Variants in DENND1B observed in about 807,000 individuals in gnomAD.
The protein encoded by DENND1B is DENN domain containing 1B, also known as DENN domain-containing protein 1B.
A neutral mutation model predicts 90.1 loss-of-function variants in DENND1B; 59 were observed. That is an observed-to-expected ratio of 0.65 (90% CI 0.53 to 0.81). DENND1B has a LOEUF of 0.81. Among genes scored for constraint, DENND1B ranks in the 40% least tolerant of loss-of-function variants. DENND1B has a pLI of 0.00. For synonymous variants in DENND1B, 337 were observed against 324.6 expected, an observed-to-expected ratio of 1.04 and a Z score of -0.41; for missense variants, 862 against 912.6, an observed-to-expected ratio of 0.94 and a Z score of 0.71.
intron 13 of DENND1B, among the ~76,000 whole-genome samples, chr1:197,604,615 G>A (rs1037230922): frequency 1.3e-5 from 2 of 151,228 alleles, no homozygotes; most frequent in African/African-American, 2.4e-5. Context: ...TAATTTAAAT[G>A]CTTTGGTGAA....
At chr1:197,541,924 T>C (rs1670363558) in intron 18 of DENND1B, among the ~76,000 whole-genome samples, 1 of 152,214 alleles carries the variant, frequency 6.6e-6, no homozygotes, top group Non-Finnish European at 1.5e-5. Context: ...CTCTTTAGTA[T>C]ACAGAGTTGA....
chr1:197,590,198 G>A (rs1008282932), intron 14 of DENND1B, among the ~76,000 whole-genome samples: 1 of 151,996 alleles, frequency 6.6e-6, no homozygotes, highest in Non-Finnish European at 1.5e-5. Flanking sequence ...TAATGACGAC[G>A]TAAACAGCAT....
chr1:197,687,387 AT>A (rs1657358733), intron 3 of DENND1B, among the ~76,000 whole-genome samples: 2 of 152,134 alleles, frequency 1.3e-5, no homozygotes, highest in South Asian at 2.1e-4. Context: ...TATTTTTTCC[AT>A]TTGCAACAAC....
At chr1:197,760,571 G>C (rs1392051833) in intron 2 of DENND1B, among the ~76,000 whole-genome samples, 1 of 151,542 alleles carries the variant, frequency 6.6e-6, no homozygotes, top group East Asian at 1.9e-4. Context: ...GGGCCCAAGA[G>C]GTGGAAGTTG....
At chr1:197,526,922 T>G (rs1669175206) in intron 20 of DENND1B, among the ~76,000 whole-genome samples, 1 of 152,142 alleles carries the variant, frequency 6.6e-6, no homozygotes, top group Admixed American at 6.6e-5. Context: ...ATTTTTTGTG[T>G]AACTATCTTC....
chr1:197,529,231 T>C lies in DENND1B; in HGVS notation c.1515+10733A>G, dbSNP rs1471738295. ...ATATATATATATATATATATATATA[T>C]ATATATATATATGTGTGTGTGTGTG... On this transcript the variant is annotated intron_variant, in intron 20 of 22. Transcript: ENST00000620048. Among the ~76,000 whole-genome samples the C allele has an allele frequency of 8.8e-4, 12 of 13,662 alleles. No individual in the cohort carries two copies. The East Asian group carries it at 0.013, about 14-fold the overall frequency. 9.0% of individuals were successfully genotyped at this position (13,662 alleles called of 152,430 possible).
At chr1:197,772,969 A>T in intron 1 of DENND1B, 37 bp from the exon 2 acceptor site, 1 of 1,464,732 alleles carries the variant, frequency 6.8e-7, no homozygotes, top group Non-Finnish European at 9.3e-7. Context: ...TCCTATGACA[A>T]ATAAACATCT....
chr1:197,748,093 A>G (rs1475684493), intron 2 of DENND1B, among the ~76,000 whole-genome samples: 1 of 152,178 alleles, frequency 6.6e-6, no homozygotes, highest in Non-Finnish European at 1.5e-5. Context: ...AAGATTAAAA[A>G]CAAACATTGA....
At chr1:197,649,777 C>T (rs1173189199) in intron 7 of DENND1B, among the ~76,000 whole-genome samples, 1 of 152,078 alleles carries the variant, frequency 6.6e-6, no homozygotes, top group Non-Finnish European at 1.5e-5. Flanking sequence ...TAGAATAAAA[C>T]ACTGGAAAAA....
Position 197,510,788 on chromosome 1 carries a change from T to A in DENND1B, c.2000A>T (p.Asn667Ile). The A allele has an allele frequency of 6.2e-7, 1 of 1,612,358 alleles. No homozygotes were observed. Among genetic ancestry groups the A allele is most frequent in the Non-Finnish European group, 8.5e-7 (1 of 1,179,056 alleles). ...GTCAGCACCGAGGTGCTTGTTACTG[T>A]TTTCCTCTTTCAGGATAAACAGAGA... ...TDSLFILKEE[N>I]SNKHLGADNV... is the part of the protein sequence containing the mutation. Residue 667 changes from asparagine (N) to isoleucine (I), a missense_variant, in exon 23 of 23, where the codon AAC becomes ATC. Asn to Ile is a moderately radical substitution (Grantham distance 149). Coordinates refer to ENST00000620048, the MANE Select transcript of DENND1B (RefSeq NM_001195215.2).
chr1:197,575,843 A>G (rs1159434044), intron 15 of DENND1B, among the ~76,000 whole-genome samples: 1 of 152,160 alleles, frequency 6.6e-6, no homozygotes, highest in Non-Finnish European at 1.5e-5. Context: ...CAGAAAACCA[A>G]ACATTGCATG....
At chr1:197,745,446 A>C (rs972241931) in intron 2 of DENND1B, among the ~76,000 whole-genome samples, 1 of 151,984 alleles carries the variant, frequency 6.6e-6, no homozygotes, top group African/African-American at 2.4e-5. Context: ...GAGCCCCAGG[A>C]GAGGGAGAGA....
Position 197,545,921 on chromosome 1 carries a change from C to G in DENND1B, c.1350+1G>C. ...GATTGTTAAATATCAAAAAAACTTA[C>G]AAATTTATATGCTGTCCGTACAGCA... On this transcript the variant is annotated splice_donor_variant, in intron 18 of 22. Transcript: ENST00000620048. LOFTEE classifies it high-confidence loss of function. The G allele has an allele frequency of 3.1e-6, 5 of 1,599,646 alleles. No individual in the cohort carries two copies. The highest frequency in any genetic ancestry group is 3.4e-6 in the Non-Finnish European group (4 of 1,176,256).
At chr1:197,552,070 T>C (rs2125683090) in intron 16 of DENND1B, among the ~76,000 whole-genome samples, 1 of 152,264 alleles carries the variant, frequency 6.6e-6, no homozygotes, top group African/African-American at 2.4e-5. Flanking sequence ...ATCTTAAAAA[T>C]AACGTTAAAT....
intron 5 of DENND1B, among the ~76,000 whole-genome samples, chr1:197,664,552 A>G (rs1030040111): frequency 6.6e-6 from 1 of 152,102 alleles, no homozygotes; most frequent in Non-Finnish European, 1.5e-5. Flanking sequence ...CCACACTTCT[A>G]CTTCCACTAT....
intron 8 of DENND1B, among the ~76,000 whole-genome samples, chr1:197,646,806 T>G (rs1406724424): frequency 6.6e-6 from 1 of 152,054 alleles, no homozygotes; most frequent in Non-Finnish European, 1.5e-5. Context: ...ATGGAGAATA[T>G]GCAAAGATTT....
At chr1:197,581,446 T>C (rs1386274117) in intron 15 of DENND1B, among the ~76,000 whole-genome samples, 1 of 152,162 alleles carries the variant, frequency 6.6e-6, no homozygotes, top group Non-Finnish European at 1.5e-5. Context: ...GTTAATGTAA[T>C]TTCTCTAAGA....
intron 10 of DENND1B, among the ~76,000 whole-genome samples, chr1:197,639,436 A>G (rs1223674350): frequency 6.6e-6 from 1 of 152,132 alleles, no homozygotes; most frequent in Non-Finnish European, 1.5e-5. Flanking sequence ...CTCTAATGAG[A>G]GTGTCACCAC....
intron 20 of DENND1B, among the ~76,000 whole-genome samples, chr1:197,524,172 G>T (rs1158535998): frequency 6.6e-6 from 1 of 152,068 alleles, no homozygotes; most frequent in Non-Finnish European, 1.5e-5. Flanking sequence ...AGAACTGAGG[G>T]ATATTAGAAA....
Sources: allele counts gnomAD v4.1 joint callset (sites outside exome capture counted in the v4.1 genomes callset), GRCh38; gene constraint gnomAD v4.1.1; transcripts MANE v1.5; gene names NCBI Gene and HGNC (gene_info 2026-07-23, HGNC 2026-07-21).